KLB: variants seen among roughly 807,000 people sequenced by gnomAD.
KLB encodes klotho beta.
In KLB, 44 loss-of-function variants were observed where a neutral mutation model predicts 88.4. The ratio of observed to expected loss-of-function variants is 0.50; its 90% CI spans 0.39 to 0.64. The LOEUF is 0.64. Ranked by LOEUF, KLB falls within the 30% of genes least tolerant of loss-of-function variation. The pLI is 0.00. For synonymous variants in KLB, 548 were observed against 513.4 expected, an observed-to-expected ratio of 1.07 and a Z score of -0.91; for missense variants, 1,137 against 1,304.8, an observed-to-expected ratio of 0.87 and a Z score of 1.98.
rs1033051340 is a variant in KLB at position 39,447,152 on chromosome 4, C to G, written c.2426C>G (p.Ala809Gly). ...SSSALPRLTEAERRLLKGTVD... is the reference protein window; with the variant it reads ...SSSALPRLTEGERRLLKGTVD... ...TCGGCCCTGCCGCGCCTCACCGAGG[C>G]CGAAAGGAGGCTGCTCAAGGGCACG... The change falls in exon 4 of 5, where the codon GCC becomes GGC. Residue 809 changes from alanine to glycine, a missense_variant. Ala to Gly is a moderately conservative substitution (Grantham distance 60). Coordinates refer to ENST00000257408, the MANE Select transcript of KLB (RefSeq NM_175737.4). 1 of 1,613,654 alleles carries G rather than the reference C, an allele frequency of 6.2e-7. No homozygotes were observed. The highest frequency in any genetic ancestry group is 1.3e-5 in the African/African-American group (1 of 74,946).
chr4:39,448,656 A>C lies in KLB; in HGVS notation c.3105A>C (p.Pro1035=), dbSNP rs1469775925. ...AAGCAAAAAACTTACAACACATACC[A>C]TTAAAGAAAGGCAAGAGAGTTGTTA... ...FWKAKNLQHI[P]LKKGKRVVS is the part of the protein sequence containing the mutation. Residue 1035 remains proline (P), a synonymous_variant, in exon 5 of 5, where the codon CCA becomes CCC. Coordinates refer to ENST00000257408, the MANE Select transcript of KLB (RefSeq NM_175737.4). 1 of 1,611,740 alleles carries C rather than the reference A, an allele frequency of 6.2e-7. No homozygotes were observed. The highest frequency in any genetic ancestry group is 1.1e-5 in the South Asian group (1 of 91,030).
chr4:39,437,750 G>C lies in KLB; in HGVS notation c.1360G>C (p.Val454Leu). The part of the protein sequence containing the change: ...LQAIRLDEIR[V>L]FGYTAWSLLD... Reference sequence around the variant, plus strand: ...AGCAATAAGGTTAGATGAAATACGAGTGTTTGGTTATACTGCCTGGTCTCT... The same window carrying C: ...AGCAATAAGGTTAGATGAAATACGACTGTTTGGTTATACTGCCTGGTCTCT... Residue 454 changes from valine (V) to leucine (L), a missense_variant, in exon 3 of 5, where the codon GTG (valine) becomes CTG (leucine). Val to Leu is a conservative substitution (Grantham distance 32). This residue lies in a region of KLB where 597 missense variants were observed against 765.2 expected (regional missense o/e 0.78). Coordinates refer to ENST00000257408, the MANE Select transcript of KLB (RefSeq NM_175737.4). 6.2e-7 allele frequency: 1 copy of C among 1,612,698 alleles called. No homozygotes were observed. Among genetic ancestry groups the C allele is most frequent in the East Asian group, 2.2e-5 (1 of 44,854 alleles).
At chr4:39,434,170 A>G (rs1302703555) in intron 1 of KLB, 40 bp from the exon 2 acceptor site, 1 of 1,553,566 alleles carries the variant, frequency 6.4e-7, no homozygotes, top group South Asian at 1.2e-5. Context: ...AGCCCTTGTA[A>G]GTGAGGACAA....
intron 1 of KLB, among the ~76,000 whole-genome samples, chr4:39,433,252 T>C (rs1481641880): frequency 2.0e-5 from 3 of 152,174 alleles, no homozygotes; most frequent in African/African-American, 7.2e-5. Flanking sequence ...GTGACTTGCC[T>C]AAGGTTACAC....
chr4:39,429,349 C>T (rs1979283), intron 1 of KLB, among the ~76,000 whole-genome samples: 93,247 of 152,004 alleles, frequency 0.61, 29,861 homozygotes, highest in Admixed American at 0.72. Context: ...GCTCCTAATC[C>T]CTTCTTCATC....
rs1743743509 is a variant in KLB at position 39,446,264 on chromosome 4, G to T, written c.1606-68G>T. The T allele has an allele frequency of 1.4e-6, 2 of 1,422,576 alleles. No individual in the cohort carries two copies. The highest frequency in any genetic ancestry group is 3.8e-5 in the Admixed American group (2 of 53,248). 88.1% of individuals were successfully genotyped at this position (1,422,576 alleles called of 1,614,324 possible). A position where few individuals can be genotyped will look rare whatever the true frequency, so the allele number is the denominator to read the frequency against. On this transcript the variant is annotated intron_variant, in intron 3 of 4. Transcript: ENST00000257408. This position sits in a 1 kb window ranked among gnomAD's most constrained non-coding sequence, Gnocchi z 6.4. ...TAATCCCAGCACTTTGGGAGGCAGA[G>T]GTAGGCAGATCACTTGAGCCTCCAT...
rs937194465 is a variant in KLB, at chr4:39,447,391, G to A, written c.2665G>A (p.Ala889Thr). 1.9e-6 allele frequency: 3 copies of A among 1,613,600 alleles called. No homozygotes were observed. The highest frequency in any genetic ancestry group is 1.3e-5 in the African/African-American group (1 of 74,932). ...NYGDMDIYIT[A>T]SGIDDQALED... ...CGGCGACATGGACATTTACATCACC[G>A]CCAGTGGCATCGACGACCAGGCTCT... is the stretch of plus-strand genomic sequence containing the variant. The change falls in exon 4 of 5, where the codon GCC (alanine) becomes ACC (threonine). Residue 889 changes from alanine to threonine, a missense_variant. By Grantham distance (58) the Ala-to-Thr change is moderately conservative. This residue lies in a region of KLB where 426 missense variants were observed against 404.6 expected (regional missense o/e 1.05). Transcript: ENST00000257408.
chr4:39,441,363 CT>C (rs2109841320), intron 3 of KLB, among the ~76,000 whole-genome samples: 1 of 152,222 alleles, frequency 6.6e-6, no homozygotes, highest in South Asian at 2.1e-4. Context: ...GTCTTTTTCC[CT>C]ATCACTTTAA....
chr4:39,438,721 A>C (rs1743533293), intron 3 of KLB, among the ~76,000 whole-genome samples: 1 of 152,216 alleles, frequency 6.6e-6, no homozygotes, highest in African/African-American at 2.4e-5. Context: ...GGCACATGGC[A>C]GGTGCTTATC....
chr4:39,424,452 T>C (rs1398001350), intron 1 of KLB, among the ~76,000 whole-genome samples: 1 of 151,664 alleles, frequency 6.6e-6, no homozygotes. Context: ...CTAGAAATGC[T>C]TCCAATTGCA....
intron 3 of KLB, among the ~76,000 whole-genome samples, chr4:39,440,703 G>A (rs1015187383): frequency 3.3e-5 from 5 of 151,986 alleles, no homozygotes; most frequent in African/African-American, 4.8e-5. Context: ...GATTACAGGC[G>A]CCTGCCACCC....
In KLB at chr4:39,437,371, A is replaced by G. The variant is rs192852245; in HGVS notation, c.1337-356A>G. Among the ~76,000 whole-genome samples, 206 of 152,354 alleles carry G rather than the reference A, an allele frequency of 1.4e-3. 1 individual carries two copies. Among genetic ancestry groups the G allele is most frequent in the African/African-American group, 4.8e-3 (198 of 41,584 alleles). On this transcript the variant is annotated intron_variant, in intron 2 of 4. Transcript: ENST00000257408. ...TAAGAACCAACTCAAACTTGAAATA[A>G]GAAACTCTTGGTCATGAGCACACAT...
chr4:39,419,585 C>T (rs1485115753), intron 1 of KLB, among the ~76,000 whole-genome samples: 1 of 151,842 alleles, frequency 6.6e-6, no homozygotes, highest in Non-Finnish European at 1.5e-5. Flanking sequence ...ACCAGCCTGG[C>T]CAACATAGTG....
At chr4:39,439,277 G>A (rs1262435438) in intron 3 of KLB, among the ~76,000 whole-genome samples, 4 of 152,000 alleles carry the variant, frequency 2.6e-5, no homozygotes, top group African/African-American at 9.7e-5. Context: ...GGGGTTGCAG[G>A]TGCAAGCCAC....
At chr4:39,419,910 C>T (rs1439833995) in intron 1 of KLB, among the ~76,000 whole-genome samples, 1 of 142,578 alleles carries the variant, frequency 7.0e-6, no homozygotes, top group Non-Finnish European at 1.5e-5. Flanking sequence ...TGCCACTGCA[C>T]TCCAGTCTGG....
chr4:39,427,933 C>G (rs1488101323), intron 1 of KLB, among the ~76,000 whole-genome samples: 1 of 152,124 alleles, frequency 6.6e-6, no homozygotes. Context: ...AGAGCTAATA[C>G]AAGAGCCCAG....
At chr4:39,422,678 C>G (rs529431890) in intron 1 of KLB, among the ~76,000 whole-genome samples, 37 of 152,260 alleles carry the variant, frequency 2.4e-4, no homozygotes, top group African/African-American at 8.7e-4. Flanking sequence ...AATCACTCAT[C>G]TCTAAGACCC....
Position 39,407,341 on chromosome 4 carries a change from A to G in KLB, c.392A>G (p.Tyr131Cys). 1 of 1,614,184 alleles carries G rather than the reference A, an allele frequency of 6.2e-7. No homozygotes were observed. The highest frequency in any genetic ancestry group is 8.5e-7 in the Non-Finnish European group (1 of 1,180,014). Residue 131 changes from tyrosine (Y) to cysteine (C), a missense_variant, in exon 1 of 5, where the codon TAT (tyrosine) becomes TGT (cysteine). Physicochemically the swap from Tyr to Cys is radical, Grantham distance 194. Coordinates refer to ENST00000257408, the MANE Select transcript of KLB (RefSeq NM_175737.4). ...VSSTNGSSDSYIFLEKDLSAL... is the reference protein window; with the variant it reads ...VSSTNGSSDSCIFLEKDLSAL... ...AGCACGAATGGTTCCAGTGACAGTT[A>G]TATTTTTCTGGAAAAAGACTTATCA...
Position 39,446,955 on chromosome 4 carries a change from C to G in KLB, c.2229C>G (p.His743Gln), listed in dbSNP as rs1378942598. The G allele has an allele frequency of 6.2e-7, 1 of 1,605,932 alleles. No homozygotes were observed. The highest frequency in any genetic ancestry group is 1.3e-5 in the African/African-American group (1 of 75,050). Reference sequence around the variant, plus strand: ...GCGGGGCCGTGTCGCTGTCGCTGCACGCGGACTGGGCGGAACCCGCCAACC... The same window carrying G: ...GCGGGGCCGTGTCGCTGTCGCTGCAGGCGGACTGGGCGGAACCCGCCAACC... Reference protein sequence around the residue: ...SQRGAVSLSLHADWAEPANPY... With the variant: ...SQRGAVSLSLQADWAEPANPY... The change falls in exon 4 of 5, where the codon CAC (histidine) becomes CAG (glutamine). Residue 743 changes from histidine to glutamine, a missense_variant. Coordinates refer to ENST00000257408, the MANE Select transcript of KLB (RefSeq NM_175737.4). This position sits in a 1 kb window ranked among gnomAD's most constrained non-coding sequence, Gnocchi z 6.4.
Sources: gnomAD v4.1 joint callset for allele counts (sites outside exome capture counted in the v4.1 genomes callset) on GRCh38, gnomAD v4.1.1 for gene constraint, gnomAD v4.1.1 regional missense constraint, Gnocchi (gnomAD v3.1) non-coding constraint, MANE v1.5 for transcripts, NCBI Gene and HGNC (gene_info 2026-07-23, HGNC 2026-07-21) for gene names.